MSI2: variants seen among roughly 807,000 people sequenced by gnomAD.
MSI2 encodes RNA-binding protein Musashi homolog 2.
A neutral mutation model predicts 45.6 loss-of-function variants in MSI2; 17 were observed. The observed-to-expected ratio is 0.37, with a 90% confidence interval of 0.26 to 0.56. MSI2 has a LOEUF of 0.56. MSI2 is among the 20% of genes least tolerant of loss of function. MSI2 has a pLI of 0.77. For missense variants in MSI2, 293 were observed against 444.2 expected (o/e 0.66, Z 3.06); for synonymous variants, 156 against 158.2 (o/e 0.99, Z 0.11).
At chr17:57,515,877 C>G (rs2143971718) in intron 6 of MSI2, among the ~76,000 whole-genome samples, 1 of 152,124 alleles carries the variant, frequency 6.6e-6, no homozygotes, top group South Asian at 2.1e-4. Context: ...AAATCATGAG[C>G]CCCCTTGTGG....
chr17:57,570,161 T>C (rs974314397), intron 7 of MSI2, among the ~76,000 whole-genome samples: 4 of 152,148 alleles, frequency 2.6e-5, no homozygotes, highest in Admixed American at 2.6e-4. Flanking sequence ...AGCTATAAAA[T>C]TTATATACGC....
intron 5 of MSI2, among the ~76,000 whole-genome samples, chr17:57,322,499 A>G (rs1913430433): frequency 6.6e-6 from 1 of 152,222 alleles, no homozygotes; most frequent in Non-Finnish European, 1.5e-5. Context: ...GTGAGAGGGC[A>G]GAATAATTCA....
At position 57,301,336 on chromosome 17, in the gene MSI2, A is replaced by G. The variant is rs143459268; in HGVS notation, c.312+39144A>G. On this transcript the variant is annotated intron_variant, in intron 5 of 13. Transcript: ENST00000284073. ...GATGCAAGGTCCCAGAAGGACAGTG[A>G]TGGTGCTGAGAGGAGAGGAGTGCAA... Among the ~76,000 whole-genome samples the G allele has an allele frequency of 4.5e-3, 687 of 152,342 alleles. 8 individuals carry two copies. Among genetic ancestry groups the G allele is most frequent in the African/African-American group, 0.016 (658 of 41,584 alleles).
chr17:57,387,447 A>G (rs1356756183), intron 5 of MSI2, among the ~76,000 whole-genome samples: 1 of 152,196 alleles, frequency 6.6e-6, no homozygotes, highest in Admixed American at 6.5e-5. Flanking sequence ...GCAGAGAAAT[A>G]TTACCTCCGA....
intron 7 of MSI2, among the ~76,000 whole-genome samples, chr17:57,572,556 T>G (rs2087906069): frequency 6.6e-6 from 1 of 152,238 alleles, no homozygotes; most frequent in Non-Finnish European, 1.5e-5. Context: ...TTGTCCATTT[T>G]GTCACCTTGA....
chr17:57,389,962 G>C (rs1477514053), intron 5 of MSI2, among the ~76,000 whole-genome samples: 5 of 151,878 alleles, frequency 3.3e-5, no homozygotes, highest in African/African-American at 1.2e-4. Flanking sequence ...TGAAGGCCAG[G>C]CATGGTGGTT....
chr17:57,517,339 T>C (rs1160326149), intron 6 of MSI2, among the ~76,000 whole-genome samples: 3 of 152,148 alleles, frequency 2.0e-5, no homozygotes, highest in Non-Finnish European at 2.9e-5. Flanking sequence ...TGAGTGGTGC[T>C]GAGTGCGCTG....
chr17:57,581,002 A>ATTTTTTTTTTTTTTTTTTTT (rs1567914151), intron 7 of MSI2, among the ~76,000 whole-genome samples: 1 of 58,248 alleles, frequency 1.7e-5, no homozygotes, highest in Non-Finnish European at 3.6e-5. Context: ...TGAGGTCAGC[A>ATTTTTTTTTTTTTTTTTTTT]TCTTTTTTTT....
At chr17:57,305,905 A>G (rs1911838958) in intron 5 of MSI2, among the ~76,000 whole-genome samples, 1 of 152,180 alleles carries the variant, frequency 6.6e-6, no homozygotes, top group African/African-American at 2.4e-5. Context: ...CATCTGCTCA[A>G]TCTATATTTA....
chr17:57,289,629 A>G (rs141519015), intron 5 of MSI2, among the ~76,000 whole-genome samples: 4 of 152,250 alleles, frequency 2.6e-5, no homozygotes, highest in African/African-American at 9.6e-5. Context: ...TTAAAGGTAA[A>G]TTATCAGATG....
chr17:57,437,789 C>A (rs1274764417), intron 6 of MSI2, among the ~76,000 whole-genome samples: 2 of 152,166 alleles, frequency 1.3e-5, no homozygotes, highest in African/African-American at 4.8e-5. Flanking sequence ...AAGTTAGTAT[C>A]CTGCTTCTAG....
chr17:57,387,148 G>A (rs868137917), intron 5 of MSI2, among the ~76,000 whole-genome samples: 7 of 152,312 alleles, frequency 4.6e-5, no homozygotes, highest in Admixed American at 2.0e-4. Flanking sequence ...TGGGTTGGGC[G>A]CATTGGGGAA....
chr17:57,481,900 A>G (rs1048849187), intron 6 of MSI2, among the ~76,000 whole-genome samples: 1 of 152,192 alleles, frequency 6.6e-6, no homozygotes, highest in Admixed American at 6.6e-5. Flanking sequence ...AAGATAATAG[A>G]ACTATAAATT....
downstream of MSI2, among the ~76,000 whole-genome samples, chr17:57,688,205 A>G (rs1215724681): frequency 3.3e-5 from 5 of 152,156 alleles, no homozygotes; most frequent in Non-Finnish European, 7.4e-5. Context: ...AACAGAAGAC[A>G]TAAACATTGG....
chr17:57,261,363 T>G (rs1907290832), intron 4 of MSI2, among the ~76,000 whole-genome samples: 1 of 152,188 alleles, frequency 6.6e-6, no homozygotes, highest in African/African-American at 2.4e-5. Flanking sequence ...TAACTTTTTT[T>G]TTTTTTTGGT....
intron 7 of MSI2, among the ~76,000 whole-genome samples, chr17:57,548,556 G>A (rs944852976): frequency 1.3e-5 from 2 of 152,018 alleles, no homozygotes; most frequent in Admixed American, 6.6e-5. Flanking sequence ...GGAGCCTTCC[G>A]TCTTATTAAC....
chr17:57,683,357 GT>G lies in MSI2; in HGVS notation c.*3845del. 3 of 229,874 alleles carry G rather than the reference GT, an allele frequency of 1.3e-5. No homozygotes were observed. The highest frequency in any genetic ancestry group is 5.7e-5 in the Admixed American group (1 of 17,652). 14.2% of individuals were successfully genotyped at this position (229,874 alleles called of 1,614,324 possible). A position where few individuals can be genotyped will look rare whatever the true frequency, so the allele number is the denominator to read the frequency against. Reference sequence around the variant, plus strand: ...GCTTGTTGTTCCTTTTCATTTGGGGGTTTTTGGGGAAAAAATTTATTTTTGG... The same window carrying G: ...GCTTGTTGTTCCTTTTCATTTGGGGGTTTTGGGGAAAAAATTTATTTTTGG... On this transcript the variant is annotated 3_prime_UTR_variant, in exon 14 of 14. Coordinates refer to ENST00000284073, the MANE Select transcript of MSI2 (RefSeq NM_138962.4). The surrounding 1 kb of genome is among the most constrained non-coding windows in gnomAD (Gnocchi z 5.2).
intron 7 of MSI2, among the ~76,000 whole-genome samples, chr17:57,555,450 G>A (rs1183938310): frequency 6.6e-6 from 1 of 152,128 alleles, no homozygotes; most frequent in African/African-American, 2.4e-5. Flanking sequence ...TCCATTCCCT[G>A]TCCGCTGGGG....
intron 6 of MSI2, among the ~76,000 whole-genome samples, chr17:57,486,581 A>T (rs115111571): frequency 2.0e-5 from 3 of 152,170 alleles, no homozygotes; most frequent in African/African-American, 7.2e-5. Context: ...TGTCAAACTC[A>T]TCTTCCTTGT....
Sources: gnomAD v4.1 joint callset for allele counts (sites outside exome capture counted in the v4.1 genomes callset) on GRCh38, gnomAD v4.1.1 for gene constraint, Gnocchi (gnomAD v3.1) non-coding constraint, MANE v1.5 for transcripts, NCBI Gene and HGNC (gene_info 2026-07-23, HGNC 2026-07-21) for gene names.